The following PTPRD variants were observed in gnomAD, a reference collection of about 807,000 sequenced individuals.
PTPRD encodes the protein protein tyrosine phosphatase receptor type D, also known as receptor-type tyrosine-protein phosphatase delta.
A neutral mutation model predicts 214.5 loss-of-function variants in PTPRD; 34 were observed. That is an observed-to-expected ratio of 0.16 (90% CI 0.12 to 0.21). The LOEUF (loss-of-function observed/expected upper bound fraction) is 0.21, where lower values mean the gene tolerates loss of function less well. PTPRD is among the 10% of genes least tolerant of loss of function. PTPRD has a pLI of 1.00. For synonymous variants in PTPRD, 1,128 were observed against 845.7 expected, an observed-to-expected ratio of 1.33 and a Z score of -5.79; for missense variants, 2,545 against 2,398.7, an observed-to-expected ratio of 1.06 and a Z score of -1.27.
intron 10 of PTPRD, among the ~76,000 whole-genome samples, chr9:9,102,006 G>C (rs2099792083): frequency 6.6e-6 from 1 of 152,130 alleles, no homozygotes; most frequent in Admixed American, 6.6e-5. Context: ...ATTTGACTTA[G>C]TGCTTAACAT....
At chr9:9,593,259 T>A (rs572712601) in intron 7 of PTPRD, among the ~76,000 whole-genome samples, 124 of 151,542 alleles carry the variant, frequency 8.2e-4, no homozygotes, top group African/African-American at 2.9e-3. Flanking sequence ...GTACTGTGGA[T>A]AGGTAGGATT....
chr9:8,359,214 G>A (rs1221251376), intron 39 of PTPRD, among the ~76,000 whole-genome samples: 1 of 150,592 alleles, frequency 6.6e-6, no homozygotes, highest in African/African-American at 2.4e-5. Context: ...GCGGCCCCAT[G>A]ACCAGCAGCA....
chr9:8,458,042 T>C (rs938435867), intron 33 of PTPRD, among the ~76,000 whole-genome samples: 47 of 152,148 alleles, frequency 3.1e-4, no homozygotes, highest in African/African-American at 1.1e-3. Context: ...GAAGCAAGCA[T>C]TTCTATTTCA....
At chr9:9,922,797 G>A (rs1037306359) in intron 5 of PTPRD, among the ~76,000 whole-genome samples, 8 of 151,930 alleles carry the variant, frequency 5.3e-5, no homozygotes, top group Non-Finnish European at 8.8e-5. Flanking sequence ...TGGTATTGTC[G>A]TGAAAGGCAA....
At chr9:9,375,772 G>T (rs1019401419) in intron 9 of PTPRD, among the ~76,000 whole-genome samples, 8 of 152,192 alleles carry the variant, frequency 5.3e-5, no homozygotes, top group African/African-American at 1.9e-4. Context: ...CATAAAGTAG[G>T]ATGATGGTTA....
At chr9:9,721,352 A>G (rs116819436) in intron 7 of PTPRD, among the ~76,000 whole-genome samples, 1,845 of 152,254 alleles carry the variant, frequency 0.012, 30 homozygotes, top group African/African-American at 0.043. Flanking sequence ...AGGGGACAAA[A>G]GAGTATAAGG....
chr9:10,503,657 G>A (rs1229980882), intron 2 of PTPRD, among the ~76,000 whole-genome samples: 3 of 151,928 alleles, frequency 2.0e-5, no homozygotes, highest in Non-Finnish European at 4.4e-5. Flanking sequence ...AAAGAAAATA[G>A]ACAAAACTAT....
intron 11 of PTPRD, among the ~76,000 whole-genome samples, chr9:8,747,418 G>C (rs1300190405): frequency 6.6e-6 from 1 of 152,112 alleles, no homozygotes; most frequent in Non-Finnish European, 1.5e-5. Context: ...GAAGCCATTA[G>C]GATATTACTA....
At chr9:9,330,886 T>G (rs1034358943) in intron 9 of PTPRD, among the ~76,000 whole-genome samples, 39 of 151,774 alleles carry the variant, frequency 2.6e-4, no homozygotes, top group African/African-American at 9.2e-4. Context: ...TACAGGAGCA[T>G]TTTTGGGGAA....
chr9:8,570,200 T>A (rs2090685343), intron 14 of PTPRD, among the ~76,000 whole-genome samples: 1 of 152,226 alleles, frequency 6.6e-6, no homozygotes, highest in Non-Finnish European at 1.5e-5. Context: ...GATTTTTATA[T>A]GTAAATTGAG....
At chr9:10,057,531 C>G (rs1440171954) in intron 3 of PTPRD, among the ~76,000 whole-genome samples, 4 of 152,024 alleles carry the variant, frequency 2.6e-5, no homozygotes, top group Non-Finnish European at 4.4e-5. Context: ...TTGGAGTATT[C>G]TTCGTAAGTT....
chr9:9,656,855 G>C (rs929399941), intron 7 of PTPRD, among the ~76,000 whole-genome samples: 2 of 151,838 alleles, frequency 1.3e-5, no homozygotes, highest in African/African-American at 4.8e-5. Flanking sequence ...AAGGTTGTAG[G>C]TGAATAGGAA....
chr9:8,318,018 A>G (rs1341024580), intron 45 of PTPRD, 76 bp from the exon 46 acceptor site: 2 of 1,415,304 alleles, frequency 1.4e-6, no homozygotes, highest in Non-Finnish European at 2.0e-6. Flanking sequence ...AAAAATCAAT[A>G]TTGCATAACA....
intron 8 of PTPRD, among the ~76,000 whole-genome samples, chr9:9,544,175 G>T (rs2078225729): frequency 6.6e-6 from 1 of 151,534 alleles, no homozygotes; most frequent in Non-Finnish European, 1.5e-5. Context: ...CTATAAAACA[G>T]TACTTTTATT....
chr9:8,925,357 A>T (rs1379116797), intron 11 of PTPRD, among the ~76,000 whole-genome samples: 1 of 152,080 alleles, frequency 6.6e-6, no homozygotes, highest in Non-Finnish European at 1.5e-5. Context: ...ATTCTCCACT[A>T]TATAGTCTCC....
At chr9:9,274,496 G>C (rs1944197868) in intron 9 of PTPRD, among the ~76,000 whole-genome samples, 1 of 151,170 alleles carries the variant, frequency 6.6e-6, no homozygotes, top group Admixed American at 6.6e-5. Context: ...ATACTTCCAA[G>C]GATGAGTCTC....
intron 11 of PTPRD, among the ~76,000 whole-genome samples, chr9:8,788,837 T>C (rs1038108128): frequency 1.3e-5 from 2 of 152,222 alleles, no homozygotes; most frequent in African/African-American, 2.4e-5. Context: ...CAATGTGCAG[T>C]ACAACTTTGG....
At chr9:8,382,917 A>T (rs1209070822) in intron 37 of PTPRD, among the ~76,000 whole-genome samples, 2 of 152,202 alleles carry the variant, frequency 1.3e-5, no homozygotes, top group Non-Finnish European at 2.9e-5. Flanking sequence ...CATTTGGAAA[A>T]GGACACAAAC....
At chr9:10,364,844 A>C (rs993250431) in intron 2 of PTPRD, among the ~76,000 whole-genome samples, 5 of 152,158 alleles carry the variant, frequency 3.3e-5, no homozygotes, top group Non-Finnish European at 7.3e-5. Context: ...TAGCTCACTA[A>C]AATTTCAGAA....
Sources: gnomAD v4.1 joint callset for allele counts (sites outside exome capture counted in the v4.1 genomes callset) on GRCh38, gnomAD v4.1.1 for gene constraint, MANE v1.5 for transcripts, NCBI Gene and HGNC (gene_info 2026-07-23, HGNC 2026-07-21) for gene names.